Variants in CASK observed in about 807,000 individuals in gnomAD.
The protein encoded by CASK is calcium/calmodulin dependent serine protein kinase, also known as peripheral plasma membrane protein CASK.
CASK carries 4 observed loss-of-function variants against 82.9 expected under a neutral mutation model. The observed-to-expected ratio is 0.05, with a 90% CI of 0.02 to 0.11. The LOEUF is 0.11. Among genes scored for constraint, CASK ranks in the 10% least tolerant of loss-of-function variants. The probability of loss-of-function intolerance (pLI) is 1.00; values close to 1 mark genes in which losing one functional copy is unlikely to be tolerated. For synonymous variants in CASK, 259 were observed against 253.5 expected, an observed-to-expected ratio of 1.02 and a Z score of -0.20; for missense variants, 358 against 720.9, an observed-to-expected ratio of 0.50 and a Z score of 5.76.
At chrX:41,850,486 T>C (rs994998442) in intron 2 of CASK, among the ~76,000 whole-genome samples, 1 of 111,643 alleles carries the variant, frequency 9.0e-6, no homozygotes, top group Admixed American at 9.5e-5. Flanking sequence ...AAAAATAAAA[T>C]AATAAAATGA....
At chrX:41,684,020 G>C (rs1320949953) in intron 5 of CASK, among the ~76,000 whole-genome samples, 1 of 111,542 alleles carries the variant, frequency 9.0e-6, no homozygotes, top group Admixed American at 9.5e-5. Context: ...TACATGAATG[G>C]GGAAGGAGGA....
chrX:41,622,244 G>GT (rs1377686399), intron 11 of CASK, among the ~76,000 whole-genome samples: 1 of 112,496 alleles, frequency 8.9e-6, no homozygotes, highest in Non-Finnish European at 1.9e-5. Context: ...TACAGGTGAT[G>GT]TAATTGTCAA....
chrX:41,772,077 G>A (rs893699138), intron 3 of CASK, among the ~76,000 whole-genome samples: 8 of 111,061 alleles, frequency 7.2e-5, no homozygotes, highest in Non-Finnish European at 9.4e-5. Context: ...CAGGCCAGGC[G>A]CGGTAGCTCA....
chrX:41,556,881 A>G, intron 19 of CASK, 151 bp downstream of exon 19: 3 of 500,181 alleles, frequency 6.0e-6, no homozygotes, highest in Non-Finnish European at 1.1e-5. Flanking sequence ...GTTGAAAAAG[A>G]TTTTCCAGGA....
intron 17 of CASK, 56 bp from the exon 18 acceptor site, chrX:41,559,903 A>G (rs2065204954): frequency 1.4e-5 from 15 of 1,054,598 alleles, no homozygotes; most frequent in Non-Finnish European, 1.4e-5. Flanking sequence ...AATTGTTCAC[A>G]AAACCATGTA....
chrX:41,587,206 C>A (rs2065669881), intron 13 of CASK: 1 of 319,173 alleles, frequency 3.1e-6, no homozygotes, highest in Admixed American at 5.4e-5. Flanking sequence ...TCAACTATAA[C>A]CTAAAAGGTT....
At chrX:41,588,258 G>A (rs900166475) in intron 13 of CASK, 3 of 111,632 alleles carry the variant, frequency 2.7e-5, no homozygotes, top group Admixed American at 9.6e-5. Context: ...AGTGAAATGA[G>A]AGGACAAAAC....
At chrX:41,863,380 C>G (rs1394360336) in intron 1 of CASK, among the ~76,000 whole-genome samples, 1 of 111,742 alleles carries the variant, frequency 8.9e-6, no homozygotes, top group Non-Finnish European at 1.9e-5. Flanking sequence ...GACAGAGCCC[C>G]AGAAAACATG....
intron 2 of CASK, among the ~76,000 whole-genome samples, chrX:41,797,515 CA>C (rs1187572064): frequency 1.8e-5 from 2 of 111,474 alleles, no homozygotes; most frequent in Non-Finnish European, 3.8e-5. Flanking sequence ...TAGAAGGCAA[CA>C]TCAAGCATAC....
At chrX:41,582,308 T>G (rs993970242) in intron 14 of CASK, among the ~76,000 whole-genome samples, 1 of 111,953 alleles carries the variant, frequency 8.9e-6, no homozygotes, top group African/African-American at 3.2e-5. Context: ...AAGGCTTTTA[T>G]TTATTTATAT....
At chrX:41,717,156 C>T (rs1190735940) in intron 5 of CASK, among the ~76,000 whole-genome samples, 1 of 111,670 alleles carries the variant, frequency 9.0e-6, no homozygotes, top group Non-Finnish European at 1.9e-5. Flanking sequence ...CAGCTCCATC[C>T]AATGGAGACA....
At chrX:41,788,158 CAAAAAAAA>C (rs372992298) in intron 2 of CASK, among the ~76,000 whole-genome samples, 1 of 42,017 alleles carries the variant, frequency 2.4e-5, no homozygotes, top group African/African-American at 9.5e-5. Flanking sequence ...AACTCTGTCT[CAAAAAAAA>C]AAAAAAAAAA....
intron 3 of CASK, among the ~76,000 whole-genome samples, chrX:41,754,863 T>C (rs1318093466): frequency 9.2e-6 from 1 of 108,287 alleles, no homozygotes; most frequent in African/African-American, 3.4e-5. Context: ...TAGGCCTAGA[T>C]GCCATTTCTG....
At chrX:41,694,164 C>T (rs1259983993) in intron 5 of CASK, among the ~76,000 whole-genome samples, 1 of 112,264 alleles carries the variant, frequency 8.9e-6, no homozygotes, top group African/African-American at 3.2e-5. Flanking sequence ...TTTATTAAAG[C>T]TAACTTTTAT....
intron 2 of CASK, among the ~76,000 whole-genome samples, chrX:41,830,940 G>A (rs1272293379): frequency 9.0e-6 from 1 of 110,498 alleles, no homozygotes; most frequent in East Asian, 2.8e-4. Flanking sequence ...ACCTTTTACA[G>A]ATGTAATCTT....
At chrX:41,554,031 AGC>A in intron 20 of CASK, 116 bp from the exon 21 acceptor site, 1 of 552,038 alleles carries the variant, frequency 1.8e-6, no homozygotes, top group Non-Finnish European at 3.1e-6. Context: ...AGATGGTGAA[AGC>A]AAAAACGATG....
At chrX:41,845,091 G>A (rs2071125599) in intron 2 of CASK, among the ~76,000 whole-genome samples, 1 of 111,514 alleles carries the variant, frequency 9.0e-6, no homozygotes, top group African/African-American at 3.3e-5. Flanking sequence ...ATATTTGATG[G>A]GCTAATGCAC....
chrX:41,879,446 T>C (rs1018567266), intron 1 of CASK, among the ~76,000 whole-genome samples: 1 of 111,620 alleles, frequency 9.0e-6, no homozygotes, highest in Non-Finnish European at 1.9e-5. Context: ...CAATATACTA[T>C]AATAAGTTAC....
intron 3 of CASK, among the ~76,000 whole-genome samples, chrX:41,774,796 A>G (rs1412439136): frequency 9.0e-6 from 1 of 110,595 alleles, no homozygotes; most frequent in Non-Finnish European, 1.9e-5. Flanking sequence ...AGGATTCCCT[A>G]TTTAATAAAT....
Sources: gnomAD v4.1 joint callset for allele counts (sites outside exome capture counted in the v4.1 genomes callset) on GRCh38, gnomAD v4.1.1 for gene constraint, MANE v1.5 for transcripts, NCBI Gene and HGNC (gene_info 2026-07-23, HGNC 2026-07-21) for gene names.